HECTD2: variants seen among roughly 807,000 people sequenced by gnomAD.
HECTD2 encodes the protein HECT domain E3 ubiquitin protein ligase 2, also known as probable E3 ubiquitin-protein ligase HECTD2.
In HECTD2, 35 loss-of-function variants were observed where a neutral mutation model predicts 103.2. The ratio of observed to expected loss-of-function variants is 0.34; its 90% CI spans 0.26 to 0.45. The LOEUF (loss-of-function observed/expected upper bound fraction) is 0.45. HECTD2 is among the 20% of genes least tolerant of loss of function. The probability of loss-of-function intolerance (pLI) is 1.00; values close to 1 mark genes in which losing one functional copy is unlikely to be tolerated. For missense variants in HECTD2, 596 were observed against 937.4 expected (o/e 0.64, Z 4.76); for synonymous variants, 281 against 329.9 (o/e 0.85, Z 1.61).
intron 20 of HECTD2, among the ~76,000 whole-genome samples, chr10:91,506,916 C>T (rs1447201171): frequency 6.7e-6 from 1 of 149,184 alleles, no homozygotes; most frequent in Non-Finnish European, 1.5e-5. Context: ...CATCAAAAAG[C>T]TTCTCCACCA....
chr10:91,427,304 T>G (rs1843610701), intron 2 of HECTD2, among the ~76,000 whole-genome samples: 1 of 152,056 alleles, frequency 6.6e-6, no homozygotes, highest in South Asian at 2.1e-4. Flanking sequence ...AGTGCCGCAG[T>G]AAACATACGT....
intron 2 of HECTD2, among the ~76,000 whole-genome samples, chr10:91,427,980 G>C (rs1564701632): frequency 6.6e-6 from 1 of 151,670 alleles, no homozygotes; most frequent in Non-Finnish European, 1.5e-5. Flanking sequence ...GTAATGCCTA[G>C]GTTTTCTTCT....
intron 7 of HECTD2, among the ~76,000 whole-genome samples, chr10:91,482,433 TC>T (rs1203443317): frequency 6.6e-6 from 1 of 151,962 alleles, no homozygotes; most frequent in Non-Finnish European, 1.5e-5. Flanking sequence ...TATGTGTTTC[TC>T]CCCTTGTTCT....
chr10:91,490,890 CAAAAAAA>C (rs61035151), intron 11 of HECTD2, among the ~76,000 whole-genome samples: 44 of 13,606 alleles, frequency 3.2e-3, no homozygotes, highest in African/African-American at 6.3e-3. Flanking sequence ...GACTCCGTCT[CAAAAAAA>C]AAAAAAAAAA....
chr10:91,500,633 T>C lies in HECTD2; in HGVS notation c.2066+16T>C. The C allele has an allele frequency of 8.5e-7, 1 of 1,174,598 alleles. No homozygotes were observed. Among genetic ancestry groups the C allele is most frequent in the South Asian group, 1.2e-5 (1 of 81,636 alleles). The allele number at this position is 1,174,598 out of a possible 1,614,324, so 72.8% of individuals were successfully genotyped here. A position where few individuals can be genotyped will look rare whatever the true frequency, so the allele number is the denominator to read the frequency against. ...TAACTATAAAGTGAGCTCTTTATAC[T>C]TCTGATAGTGGGGGATGTGGAGAGG... On this transcript the variant is annotated intron_variant, in intron 19 of 20. Transcript: ENST00000298068.
At chr10:91,468,416 T>G (rs1382927949) in intron 5 of HECTD2, among the ~76,000 whole-genome samples, 1 of 152,048 alleles carries the variant, frequency 6.6e-6, no homozygotes, top group East Asian at 1.9e-4. Flanking sequence ...AAAATCCCAT[T>G]CGAAGGGTAG....
intron 1 of HECTD2, among the ~76,000 whole-genome samples, chr10:91,418,914 A>C (rs1291280363): frequency 6.6e-6 from 1 of 152,162 alleles, no homozygotes; most frequent in African/African-American, 2.4e-5. Context: ...GTATCTCAGG[A>C]AGCTACTCAT....
chr10:91,419,194 T>A (rs1843251911), intron 1 of HECTD2, among the ~76,000 whole-genome samples: 1 of 152,170 alleles, frequency 6.6e-6, no homozygotes, highest in South Asian at 2.1e-4. Context: ...TTACCAGAAT[T>A]TTGAATATAG....
At chr10:91,429,991 T>G (rs1214050790) in intron 2 of HECTD2, among the ~76,000 whole-genome samples, 1 of 152,220 alleles carries the variant, frequency 6.6e-6, no homozygotes, top group Admixed American at 6.5e-5. Context: ...TTTTGGATCT[T>G]TCCTGCTTTC....
Position 91,514,426 on chromosome 10 carries a change from G to A in HECTD2, c.*2042G>A, listed in dbSNP as rs1006637154. On this transcript the variant is annotated 3_prime_UTR_variant, in exon 21 of 21. Coordinates refer to ENST00000298068, the MANE Select transcript of HECTD2 (RefSeq NM_182765.6). Reference sequence around the variant, plus strand: ...CTTTATTTATTTGTGCTCTGTTTTTGGTTTACAGTGTAATAATACCTCATT... The same window carrying A: ...CTTTATTTATTTGTGCTCTGTTTTTAGTTTACAGTGTAATAATACCTCATT... The A allele has an allele frequency of 6.6e-6, 1 of 152,326 alleles. No homozygotes were observed. The highest frequency in any genetic ancestry group is 1.5e-5 in the Non-Finnish European group (1 of 67,944). 9.4% of individuals were successfully genotyped at this position (152,326 alleles called of 1,614,324 possible). A position where few individuals can be genotyped will look rare whatever the true frequency, so the allele number is the denominator to read the frequency against.
At chr10:91,491,977 T>C (rs538782662) in intron 12 of HECTD2, among the ~76,000 whole-genome samples, 3 of 152,312 alleles carry the variant, frequency 2.0e-5, no homozygotes, top group South Asian at 4.1e-4. Context: ...CCCAAATAGT[T>C]GGGATTACCA....
chr10:91,422,974 T>A (rs1486763583), intron 1 of HECTD2, among the ~76,000 whole-genome samples: 1 of 152,178 alleles, frequency 6.6e-6, no homozygotes, highest in Non-Finnish European at 1.5e-5. Flanking sequence ...GTTTAGGACA[T>A]GAGAAGTTTC....
At chr10:91,512,174 T>G (rs1847448266) in intron 20 of HECTD2, 90 bp from the exon 21 acceptor site, 1 of 1,324,086 alleles carries the variant, frequency 7.6e-7, no homozygotes, top group Non-Finnish European at 1.1e-6. Context: ...TAGATTTGAA[T>G]GTGTGTGTCC....
intron 5 of HECTD2, among the ~76,000 whole-genome samples, chr10:91,469,990 G>C (rs1845667450): frequency 6.6e-6 from 1 of 152,146 alleles, no homozygotes; most frequent in African/African-American, 2.4e-5. Flanking sequence ...TTACATAATG[G>C]TATAGAGTTC....
At chr10:91,422,016 C>A (rs1428448471) in intron 1 of HECTD2, among the ~76,000 whole-genome samples, 1 of 152,102 alleles carries the variant, frequency 6.6e-6, no homozygotes, top group African/African-American at 2.4e-5. Flanking sequence ...TTCCAGTAGG[C>A]CTGGTTTAGC....
At chr10:91,456,221 T>A (rs1845083880) in intron 2 of HECTD2, among the ~76,000 whole-genome samples, 1 of 152,254 alleles carries the variant, frequency 6.6e-6, no homozygotes, top group Non-Finnish European at 1.5e-5. Context: ...GGAATGTTCT[T>A]CCATTTGTTT....
intron 15 of HECTD2, among the ~76,000 whole-genome samples, chr10:91,496,942 T>C (rs1846689448): frequency 6.6e-6 from 1 of 151,100 alleles, no homozygotes; most frequent in Non-Finnish European, 1.5e-5. Flanking sequence ...ATTTCAATTA[T>C]AATATAATGT....
chr10:91,450,282 C>T (rs1844749171), intron 2 of HECTD2, among the ~76,000 whole-genome samples: 1 of 152,098 alleles, frequency 6.6e-6, no homozygotes, highest in Admixed American at 6.6e-5. Context: ...GGAAAGGATT[C>T]CCTATTTAAT....
In HECTD2 at chr10:91,432,193, A is replaced by G. The variant is rs191290597; in HGVS notation, c.268+6783A>G. Among the ~76,000 whole-genome samples the G allele has an allele frequency of 1.4e-3, 207 of 152,074 alleles. 1 individual carries two copies. The highest frequency in any genetic ancestry group is 2.8e-4 in the Non-Finnish European group (19 of 67,918). On this transcript the variant is annotated intron_variant, in intron 2 of 20. Coordinates refer to ENST00000298068, the MANE Select transcript of HECTD2 (RefSeq NM_182765.6). Reference sequence around the variant, plus strand: ...TTTGGGAAGCCTCTCTTACTTGCCAATAAGATTGTTTTTTCAAAGATGCCT... The same window carrying G: ...TTTGGGAAGCCTCTCTTACTTGCCAGTAAGATTGTTTTTTCAAAGATGCCT...
Sources: allele counts gnomAD v4.1 joint callset (sites outside exome capture counted in the v4.1 genomes callset), GRCh38; gene constraint gnomAD v4.1.1; transcripts MANE v1.5; gene names NCBI Gene and HGNC (gene_info 2026-07-23, HGNC 2026-07-21).